The following ZNF469 variants were observed in gnomAD, a reference collection of about 807,000 sequenced individuals.
The protein encoded by ZNF469 is zinc finger protein 469.
ZNF469 carries 1 observed loss-of-function variant against 1.0 expected under a neutral mutation model. The ratio of observed to expected loss-of-function variants is 1.00; its 90% confidence interval spans 0.35 to 4.73. The LOEUF (loss-of-function observed/expected upper bound fraction) is 4.73, where lower values mean the gene tolerates loss of function less well. Among genes scored for constraint, ZNF469 ranks in the 30% most tolerant of loss-of-function variants. The probability of loss-of-function intolerance (pLI) is 0.16; values close to 1 mark genes in which losing one functional copy is unlikely to be tolerated. For synonymous variants in ZNF469, 2,703 were observed against 2,363.4 expected (o/e 1.14, Z -4.17); for missense variants, 6,100 against 5,356.3 (o/e 1.14, Z -4.33).
chr16:88,279,443 A>G, the ZNF469 span, among the ~76,000 whole-genome samples: 272 of 141,820 alleles, frequency 1.9e-3, 2 homozygotes, highest in Middle Eastern at 0.02. Context: ...TACCATGTAG[A>G]TATGATTAGT....
chr16:88,198,915 C>T, the ZNF469 span, among the ~76,000 whole-genome samples: 7 of 152,234 alleles, frequency 4.6e-5, no homozygotes, highest in South Asian at 2.1e-4. Flanking sequence ...CCACCCGAGG[C>T]GAGGGCCCCT....
At chr16:88,159,715 C>T in the ZNF469 span, among the ~76,000 whole-genome samples, 2 of 152,316 alleles carry the variant, frequency 1.3e-5, no homozygotes, top group East Asian at 3.9e-4. Context: ...AAATTATTTG[C>T]TGCATTCTCG....
chr16:88,137,385 G>C, the ZNF469 span, among the ~76,000 whole-genome samples: 4,460 of 152,292 alleles, frequency 0.029, 215 homozygotes, highest in African/African-American at 0.1. Context: ...ACCACCATGT[G>C]TGCGGTTGTG....
Position 88,433,666 on chromosome 16 carries a change from C to T in ZNF469, c.6196C>T (p.Leu2066=). The T allele has an allele frequency of 1.9e-6, 3 of 1,550,020 alleles. No homozygotes were observed. The highest frequency in any genetic ancestry group is 8.7e-7 in the Non-Finnish European group (1 of 1,146,826). The change falls in exon 3 of 3, where the codon CTG becomes TTG. Residue 2066 remains leucine (L), a synonymous_variant. Coordinates refer to ENST00000565624, the MANE Select transcript of ZNF469 (RefSeq NM_001367624.2). Reference sequence around the variant, plus strand: ...CCCCCCGTCCCCTAATAGGGAGTCCCTGGCGCTGGCCTTGACAGCAGCCCA... The same window carrying T: ...CCCCCCGTCCCCTAATAGGGAGTCCTTGGCGCTGGCCTTGACAGCAGCCCA... The part of the protein sequence containing the change: ...PSPPSPNRES[L]ALALTAAHSR...
the ZNF469 span, among the ~76,000 whole-genome samples, chr16:88,155,434 A>C: frequency 3.9e-5 from 6 of 152,220 alleles, no homozygotes; most frequent in Admixed American, 6.5e-5. Flanking sequence ...TTGTTGCCCC[A>C]AAAGGAAACT....
At chr16:88,165,620 G>A in the ZNF469 span, among the ~76,000 whole-genome samples, 4 of 152,150 alleles carry the variant, frequency 2.6e-5, no homozygotes, top group Admixed American at 2.0e-4. Context: ...TTTTTAAATC[G>A]TGGTAACATA....
At chr16:88,119,183 G>A in the ZNF469 span, among the ~76,000 whole-genome samples, 1 of 152,220 alleles carries the variant, frequency 6.6e-6, no homozygotes, top group Admixed American at 6.5e-5. Context: ...GTGAAGAAAT[G>A]TCTTCTACAA....
intron 1 of ZNF469, among the ~76,000 whole-genome samples, chr16:88,394,617 G>T (rs1904602452): frequency 1.3e-5 from 2 of 152,314 alleles, no homozygotes; most frequent in Admixed American, 6.5e-5. Context: ...CCCTCCCCAG[G>T]CCAGGCCTGG....
At chr16:88,289,527 A>G in the ZNF469 span, among the ~76,000 whole-genome samples, 2 of 152,328 alleles carry the variant, frequency 1.3e-5, no homozygotes, top group African/African-American at 2.4e-5. Flanking sequence ...AGTAAGTACT[A>G]TGCTGAGTGC....
the ZNF469 span, among the ~76,000 whole-genome samples, chr16:88,318,842 G>A: frequency 0.22 from 32,855 of 152,298 alleles, 4,338 homozygotes; most frequent in Middle Eastern, 0.32. Context: ...AAGCCCCAGC[G>A]TCCAGACGGC....
At chr16:88,130,284 C>G in the ZNF469 span, among the ~76,000 whole-genome samples, 1 of 152,138 alleles carries the variant, frequency 6.6e-6, no homozygotes. Context: ...GCTGTATGCT[C>G]TGGACAAACC....
Position 88,437,838 on chromosome 16 carries a change from G to C in ZNF469, c.10368G>C (p.Pro3456=), listed in dbSNP as rs1374638969. Residue 3456 remains proline (P), a synonymous_variant, in exon 3 of 3, where the codon CCG becomes CCC. Coordinates refer to ENST00000565624, the MANE Select transcript of ZNF469 (RefSeq NM_001367624.2). The part of the protein sequence containing the change: ...QPFAFRGVRR[P]GAPGQKARAL... ...TCGCGTTCCGCGGCGTGCGGAGGCC[G>C]GGAGCGCCGGGACAGAAGGCCCGGG... 1 of 1,540,812 alleles carries C rather than the reference G, an allele frequency of 6.5e-7. No homozygotes were observed. The highest frequency in any genetic ancestry group is 1.2e-5 in the South Asian group (1 of 83,726).
the ZNF469 span, among the ~76,000 whole-genome samples, chr16:88,174,195 G>T: frequency 6.6e-6 from 1 of 152,124 alleles, no homozygotes; most frequent in African/African-American, 2.4e-5. Flanking sequence ...AGATAGAGTG[G>T]CTCTATTAAT....
chr16:88,341,482 A>G, the ZNF469 span, among the ~76,000 whole-genome samples: 2 of 152,178 alleles, frequency 1.3e-5, no homozygotes, highest in African/African-American at 2.4e-5. Flanking sequence ...CAGGTTTCCC[A>G]GGTCAAGCCG....
the ZNF469 span, among the ~76,000 whole-genome samples, chr16:88,236,717 A>G: frequency 2.6e-5 from 4 of 152,124 alleles, no homozygotes; most frequent in African/African-American, 9.7e-5. Flanking sequence ...AAATACAAAA[A>G]TTAGCCGGGC....
the ZNF469 span, among the ~76,000 whole-genome samples, chr16:88,263,209 C>T: frequency 1.5e-4 from 23 of 152,190 alleles, no homozygotes; most frequent in African/African-American, 5.3e-4. Flanking sequence ...TGCGTCTCCA[C>T]GGCGTCCAGC....
At chr16:88,116,627 C>A in the ZNF469 span, among the ~76,000 whole-genome samples, 2 of 152,320 alleles carry the variant, frequency 1.3e-5, no homozygotes, top group Non-Finnish European at 2.9e-5. Context: ...GGCCACACCA[C>A]GGAACGCTAC....
chr16:88,396,539 CGGG>C (rs1904668063), intron 1 of ZNF469, among the ~76,000 whole-genome samples: 2 of 147,572 alleles, frequency 1.4e-5, no homozygotes, highest in Admixed American at 6.7e-5. Flanking sequence ...GAAGGGAGGC[CGGG>C]AGGAGACCCT....
chr16:88,209,022 G>T, the ZNF469 span, among the ~76,000 whole-genome samples: 2 of 152,098 alleles, frequency 1.3e-5, no homozygotes, highest in East Asian at 1.9e-4. Context: ...AACCACATCT[G>T]TTCACCCCAC....
Sources: gnomAD v4.1 joint callset for allele counts (sites outside exome capture counted in the v4.1 genomes callset) on GRCh38, gnomAD v4.1.1 for gene constraint, MANE v1.5 for transcripts, NCBI Gene and HGNC (gene_info 2026-07-23, HGNC 2026-07-21) for gene names.